POU6F2: variants seen among roughly 807,000 people sequenced by gnomAD.
POU6F2 encodes the protein POU domain, class 6, transcription factor 2.
POU6F2 carries 31 observed loss-of-function variants against 71.3 expected under a neutral mutation model. The ratio of observed to expected loss-of-function variants is 0.43; its 90% CI spans 0.33 to 0.59. The LOEUF (loss-of-function observed/expected upper bound fraction) is 0.59, where lower values mean the gene tolerates loss of function less well. Among genes scored for constraint, POU6F2 ranks in the 20% least tolerant of loss-of-function variants. The pLI is 0.04. For missense variants in POU6F2, 783 were observed against 856.8 expected (o/e 0.91, Z 1.07); for synonymous variants, 347 against 355.7 (o/e 0.98, Z 0.27).
At chr7:39,315,083 G>A (rs1785237929) in intron 4 of POU6F2, among the ~76,000 whole-genome samples, 1 of 152,264 alleles carries the variant, frequency 6.6e-6, no homozygotes, top group South Asian at 2.1e-4. Flanking sequence ...TTAGTATCAT[G>A]CTTTATAGCA....
intron 4 of POU6F2, among the ~76,000 whole-genome samples, chr7:39,311,337 T>C (rs900792966): frequency 1.3e-5 from 2 of 151,452 alleles, no homozygotes; most frequent in Non-Finnish European, 2.9e-5. Context: ...AAAACTCTCC[T>C]GTGGTGACCC....
Position 39,433,010 on chromosome 7 carries a change from A to G in POU6F2, c.1114-67A>G, listed in dbSNP as rs1788144133. 9 of 1,502,422 alleles carry G rather than the reference A, an allele frequency of 6.0e-6. 1 individual carries two copies. Among genetic ancestry groups the G allele is most frequent in the South Asian group, 5.8e-5 (5 of 85,700 alleles). 93.1% of individuals were successfully genotyped at this position (1,502,422 alleles called of 1,614,324 possible). On this transcript the variant is annotated intron_variant, in intron 6 of 9. Coordinates refer to ENST00000518318, the MANE Select transcript of POU6F2 (RefSeq NM_001370959.1). ...GCATCCTAGAGAGACCAGGCACTGC[A>G]TGGTCTTCAGTTGCATGCACAGACC...
chr7:39,052,008 C>T (rs958340291), intron 1 of POU6F2, among the ~76,000 whole-genome samples: 24 of 152,110 alleles, frequency 1.6e-4, no homozygotes, highest in African/African-American at 5.8e-4. Context: ...AGGCCCTCTT[C>T]TACCGATCAC....
intron 7 of POU6F2, among the ~76,000 whole-genome samples, chr7:39,442,382 C>T (rs933550613): frequency 6.6e-6 from 1 of 152,176 alleles, no homozygotes; most frequent in South Asian, 2.1e-4. Flanking sequence ...CTTCACCCAG[C>T]GAGGGAGCCA....
intron 5 of POU6F2, among the ~76,000 whole-genome samples, chr7:39,382,928 A>T (rs567292928): frequency 6.6e-6 from 1 of 152,338 alleles, no homozygotes; most frequent in African/African-American, 2.4e-5. Context: ...GAGGAATTTC[A>T]TTAAGTATAG....
chr7:39,310,358 C>T (rs571515799), intron 4 of POU6F2, among the ~76,000 whole-genome samples: 1 of 152,206 alleles, frequency 6.6e-6, no homozygotes, highest in East Asian at 1.9e-4. Context: ...GGATAAGTGT[C>T]CTTATTGATT....
chr7:39,358,160 T>C (rs1786298953), intron 5 of POU6F2, among the ~76,000 whole-genome samples: 1 of 152,246 alleles, frequency 6.6e-6, no homozygotes, highest in Non-Finnish European at 1.5e-5. Flanking sequence ...GAATTATTTT[T>C]AATATTTTTT....
chr7:39,250,673 T>G (rs1411567048), intron 4 of POU6F2, among the ~76,000 whole-genome samples: 1 of 152,208 alleles, frequency 6.6e-6, no homozygotes, highest in East Asian at 1.9e-4. Context: ...AGCACCTTAA[T>G]CCCAGATGGC....
intron 2 of POU6F2, among the ~76,000 whole-genome samples, chr7:39,102,064 GA>G (rs1791585845): frequency 1.3e-5 from 2 of 152,128 alleles, no homozygotes; most frequent in African/African-American, 4.8e-5. Context: ...CAGCCTTTAT[GA>G]AAAAATCCAC....
rs546430187 is a variant in POU6F2, at chr7:39,326,028, A to G, written c.599-13614A>G. On this transcript the variant is annotated intron_variant, in intron 4 of 9. Coordinates refer to ENST00000518318, the MANE Select transcript of POU6F2 (RefSeq NM_001370959.1). ...GGAAAACCCATGCTCAATAAATGTT[A>G]GCTCTAATTTTAAACCTTTTAACCT... Among the ~76,000 whole-genome samples, 3 of 152,358 alleles carry G rather than the reference A, an allele frequency of 2.0e-5. No individual in the cohort carries two copies. In the East Asian group the frequency reaches 5.8e-4, roughly 29 times the overall value.
At chr7:39,123,266 A>T (rs2128727979) in intron 2 of POU6F2, among the ~76,000 whole-genome samples, 1 of 152,282 alleles carries the variant, frequency 6.6e-6, no homozygotes, top group East Asian at 1.9e-4. Flanking sequence ...CTCTGCCTTG[A>T]TTATCTTATG....
intron 2 of POU6F2, among the ~76,000 whole-genome samples, chr7:39,122,326 T>A (rs1324101931): frequency 2.6e-5 from 4 of 152,236 alleles, no homozygotes; most frequent in Non-Finnish European, 5.9e-5. Flanking sequence ...CATGCTCTTG[T>A]GCAGCCAGGC....
At chr7:39,277,373 G>C (rs1784463545) in intron 4 of POU6F2, among the ~76,000 whole-genome samples, 1 of 152,160 alleles carries the variant, frequency 6.6e-6, no homozygotes, top group Non-Finnish European at 1.5e-5. Context: ...ATAGTCCCCA[G>C]AGGGAAGTTT....
Position 39,406,661 on chromosome 7 carries a change from C to T in POU6F2, c.1034C>T (p.Ala345Val), listed in dbSNP as rs779320120. 1.6e-5 allele frequency: 26 copies of T among 1,613,562 alleles called. No homozygotes were observed. Among genetic ancestry groups the T allele is most frequent in the Non-Finnish European group, 2.2e-5 (26 of 1,179,724 alleles). ...AAAAAAMSSI[A>V]SSQAFGNALS... is the part of the protein sequence containing the mutation. Reference sequence around the variant, plus strand: ...GCTGCAGCAGCCATGAGCTCCATAGCAAGCTCACAGGCCTTTGGCAATGCC... The same window carrying T: ...GCTGCAGCAGCCATGAGCTCCATAGTAAGCTCACAGGCCTTTGGCAATGCC... Residue 345 changes from alanine to valine, a missense_variant, in exon 6 of 10, where the codon GCA becomes GTA. Physicochemically the swap from Ala to Val is moderately conservative, Grantham distance 64 (BLOSUM62 0). Transcript: ENST00000518318.
intron 2 of POU6F2, among the ~76,000 whole-genome samples, chr7:39,099,756 T>C (rs951722218): frequency 5.9e-5 from 9 of 152,184 alleles, no homozygotes; most frequent in Non-Finnish European, 7.4e-5. Context: ...ATAAGATGCC[T>C]GCACATGGTG....
intron 2 of POU6F2, among the ~76,000 whole-genome samples, chr7:39,115,090 C>T (rs769039023): frequency 1.3e-5 from 2 of 152,212 alleles, no homozygotes; most frequent in African/African-American, 2.4e-5. Flanking sequence ...GGAAAGCAAA[C>T]CTTTGAGGGT....
At chr7:39,058,288 A>C (rs1178112129) in intron 1 of POU6F2, among the ~76,000 whole-genome samples, 1 of 152,158 alleles carries the variant, frequency 6.6e-6, no homozygotes, top group Admixed American at 6.6e-5. Flanking sequence ...ATGCCCCCGG[A>C]TGAATTTGGA....
At chr7:39,129,736 T>A (rs1227493391) in intron 2 of POU6F2, among the ~76,000 whole-genome samples, 1 of 152,108 alleles carries the variant, frequency 6.6e-6, no homozygotes, top group African/African-American at 2.4e-5. Context: ...AGGCAACAGT[T>A]CAAACTTCAA....
At chr7:39,252,399 G>GACACACACACAC (rs55738894) in intron 4 of POU6F2, among the ~76,000 whole-genome samples, 11 of 144,160 alleles carry the variant, frequency 7.6e-5, no homozygotes, top group African/African-American at 2.8e-4. Context: ...CAGACAGACA[G>GACACACACACAC]ACACACACAC....
Sources: gnomAD v4.1 joint callset for allele counts (sites outside exome capture counted in the v4.1 genomes callset) on GRCh38, gnomAD v4.1.1 for gene constraint, MANE v1.5 for transcripts, NCBI Gene and HGNC (gene_info 2026-07-23, HGNC 2026-07-21) for gene names.